Variants in DAB1 observed in about 807,000 individuals in gnomAD.
The protein encoded by DAB1 is DAB adaptor protein 1.
Under a neutral mutation model 64.6 loss-of-function variants are expected in DAB1, and 15 were observed. That is an observed-to-expected ratio of 0.23 (90% CI 0.16 to 0.36). The LOEUF (loss-of-function observed/expected upper bound fraction) is 0.36. Among genes scored for constraint, DAB1 ranks in the 10% least tolerant of loss-of-function variants. The pLI, the probability that DAB1 is intolerant of heterozygous loss-of-function variation, is 1.00. For missense variants in DAB1, 596 were observed against 706.7 expected (o/e 0.84, Z 1.78); for synonymous variants, 235 against 251.9 (o/e 0.93, Z 0.64).
chr1:57,531,521 G>A (rs1042820526), intron 7 of DAB1, among the ~76,000 whole-genome samples: 18 of 152,182 alleles, frequency 1.2e-4, no homozygotes, highest in Non-Finnish European at 2.9e-5. Flanking sequence ...GCCAAAAGAA[G>A]CTCTAGGTGA....
At position 57,367,118 on chromosome 1, in the gene DAB1, T is replaced by TAATAAAATA. The variant is rs1553173338; in HGVS notation, c.-137+56811_-137+56812insTATTTTATT. Among the ~76,000 whole-genome samples the TAATAAAATA allele has an allele frequency of 5.4e-5, 7 of 130,036 alleles. No homozygotes were observed. The East Asian group carries it at 1.8e-3, about 34-fold the overall frequency. 85.3% of individuals were successfully genotyped at this position (130,036 alleles called of 152,430 possible). A position where few individuals can be genotyped will look rare whatever the true frequency, so the allele number is the denominator to read the frequency against. On this transcript the variant is annotated intron_variant, in intron 1 of 14. Transcript: ENST00000371236. ...TAAAATAAAATAAAATAAAATAAAA[T>TAATAAAATA]AAATAAATTAGCCAGGCATGGTGCC...
intron 6 of DAB1, among the ~76,000 whole-genome samples, chr1:57,652,724 A>G (rs1355945640): frequency 3.3e-5 from 5 of 152,126 alleles, no homozygotes; most frequent in African/African-American, 4.8e-5. Flanking sequence ...TAAAGAACCA[A>G]CTCTGTTTCA....
intron 7 of DAB1, among the ~76,000 whole-genome samples, chr1:57,505,912 T>C (rs1051954335): frequency 6.6e-6 from 1 of 152,130 alleles, no homozygotes; most frequent in African/African-American, 2.4e-5. Flanking sequence ...TCAAGCAATC[T>C]GCCCCGCCTC....
chr1:57,387,323 G>A (rs4912245), intron 1 of DAB1: 16,515 of 152,210 alleles, frequency 0.11, 975 homozygotes, highest in Admixed American at 0.13. Context: ...GAAGGTTAAT[G>A]TCAACATTAG....
chr1:57,854,070 CTG>C (rs1653649055), intron 1 of DAB1, among the ~76,000 whole-genome samples: 1 of 152,026 alleles, frequency 6.6e-6, no homozygotes, highest in South Asian at 2.1e-4. Flanking sequence ...CAAAAATAGA[CTG>C]TTCTTTTGAA....
At chr1:57,516,562 A>G (rs1038595775) in intron 7 of DAB1, among the ~76,000 whole-genome samples, 2 of 152,168 alleles carry the variant, frequency 1.3e-5, no homozygotes, top group Non-Finnish European at 2.9e-5. Flanking sequence ...CAATAAAACC[A>G]TATTACTCTG....
At chr1:58,006,779 G>C (rs1158271831) in intron 5 of DAB1, among the ~76,000 whole-genome samples, 1 of 152,108 alleles carries the variant, frequency 6.6e-6, no homozygotes, top group Non-Finnish European at 1.5e-5. Flanking sequence ...CCTCCTCTCT[G>C]CCTCCCGTCC....
At chr1:57,926,285 G>C (rs1285789811) in intron 5 of DAB1, among the ~76,000 whole-genome samples, 1 of 115,642 alleles carries the variant, frequency 8.6e-6, no homozygotes, top group African/African-American at 2.8e-5. Flanking sequence ...ACTGAGAAAG[G>C]CCAGATTTTA....
intron 5 of DAB1, among the ~76,000 whole-genome samples, chr1:57,986,728 T>C (rs1646228120): frequency 6.6e-6 from 1 of 152,166 alleles, no homozygotes. Context: ...TCCAAAGTCA[T>C]TTCTTGAGAC....
chr1:57,437,400 T>C (rs1685736078), intron 7 of DAB1, among the ~76,000 whole-genome samples: 1 of 152,196 alleles, frequency 6.6e-6, no homozygotes, highest in Non-Finnish European at 1.5e-5. Flanking sequence ...AATCACACTT[T>C]ATAAAATATT....
chr1:57,473,296 A>G (rs2101213337), intron 7 of DAB1, among the ~76,000 whole-genome samples: 1 of 152,288 alleles, frequency 6.6e-6, no homozygotes, highest in South Asian at 2.1e-4. Context: ...CCAGGGCTGG[A>G]CACCCACCTT....
At chr1:57,355,698 A>C (rs1327566686) in intron 1 of DAB1, among the ~76,000 whole-genome samples, 1 of 152,212 alleles carries the variant, frequency 6.6e-6, no homozygotes, top group East Asian at 1.9e-4. Flanking sequence ...AAGAAAATGT[A>C]GGCAGGCCCG....
chr1:58,264,613 G>GT (rs1661120663), intron 4 of DAB1, among the ~76,000 whole-genome samples: 1 of 152,178 alleles, frequency 6.6e-6, no homozygotes, highest in South Asian at 2.1e-4. Context: ...TGACTTCCAA[G>GT]GACATCAAGC....
chr1:57,703,532 TAAAAC>T (rs927129646), intron 6 of DAB1, among the ~76,000 whole-genome samples: 2 of 151,814 alleles, frequency 1.3e-5, no homozygotes, highest in African/African-American at 4.8e-5. Flanking sequence ...AAATAAAAAA[TAAAAC>T]AGATGCTGGG....
chr1:58,090,093 T>C (rs1407621497), intron 5 of DAB1, among the ~76,000 whole-genome samples: 1 of 152,156 alleles, frequency 6.6e-6, no homozygotes, highest in Middle Eastern at 3.2e-3. Flanking sequence ...ATATTTCTCT[T>C]TGATCTTGTA....
At chr1:57,639,235 A>ATAAAGAACTTTAG (rs1431062701) in intron 7 of DAB1, among the ~76,000 whole-genome samples, 15 of 143,440 alleles carry the variant, frequency 1.0e-4, no homozygotes, top group African/African-American at 3.8e-4. Flanking sequence ...AAAGTTCTTC[A>ATAAAGAACTTTAG]TAAAGAACTT....
chr1:57,524,347 C>T lies in DAB1; in HGVS notation n.625+125245G>A, dbSNP rs187569708. 1.1e-4 allele frequency among the ~76,000 whole-genome samples: 16 copies of T among 152,132 alleles called. No individual in the cohort carries two copies. In the East Asian group the frequency reaches 2.1e-3, roughly 20 times the overall value. ...ATATTACTGTGAAATTTCAGAATAA[C>T]AAGAATGAGAAGTTGAACATAAAAA... On this transcript the variant is annotated intron_variant and non_coding_transcript_variant, in intron 7 of 20. Transcript: ENST00000485760.
intron 7 of DAB1, among the ~76,000 whole-genome samples, chr1:57,555,281 C>T (rs1436859544): frequency 6.6e-6 from 1 of 151,902 alleles, no homozygotes. Context: ...GATCTGCCTG[C>T]CTCGGCCTCC....
intron 1 of DAB1, among the ~76,000 whole-genome samples, chr1:57,336,205 T>C (rs961442443): frequency 6.6e-6 from 1 of 152,222 alleles, no homozygotes; most frequent in Non-Finnish European, 1.5e-5. Context: ...ACACAACCTC[T>C]AATACCTTGT....
Sources: gnomAD v4.1 joint callset for allele counts (sites outside exome capture counted in the v4.1 genomes callset) on GRCh38, gnomAD v4.1.1 for gene constraint, MANE v1.5 for transcripts, NCBI Gene and HGNC (gene_info 2026-07-23, HGNC 2026-07-21) for gene names.